EBF1: variants seen among roughly 807,000 people sequenced by gnomAD.
EBF1 encodes EBF transcription factor 1, also known as transcription factor COE1.
In EBF1, 10 loss-of-function variants were observed where a neutral mutation model predicts 68.4. That is an observed-to-expected ratio of 0.15 (90% CI 0.09 to 0.25). The LOEUF (loss-of-function observed/expected upper bound fraction) is 0.25. EBF1 is among the 10% of genes least tolerant of loss of function. The probability of loss-of-function intolerance (pLI) is 1.00; values close to 1 mark genes in which losing one functional copy is unlikely to be tolerated. For synonymous variants in EBF1, 298 were observed against 299.8 expected (o/e 0.99, Z 0.06); for missense variants, 509 against 794.4 (o/e 0.64, Z 4.32).
chr5:158,909,972 A>G (rs1805582591), intron 6 of EBF1, among the ~76,000 whole-genome samples: 1 of 150,732 alleles, frequency 6.6e-6, no homozygotes, highest in African/African-American at 2.4e-5. Flanking sequence ...AAAAAAAAAA[A>G]AAAAAAAAAA....
intron 6 of EBF1, among the ~76,000 whole-genome samples, chr5:159,006,531 A>G (rs938085218): frequency 1.1e-4 from 16 of 151,978 alleles, no homozygotes; most frequent in Non-Finnish European, 4.4e-5. Context: ...GTCAAGAACC[A>G]TAATCACCAA....
intron 6 of EBF1, among the ~76,000 whole-genome samples, chr5:158,878,832 T>A (rs904988734): frequency 2.6e-5 from 4 of 152,030 alleles, no homozygotes; most frequent in Non-Finnish European, 5.9e-5. Context: ...TTAGTAGAGA[T>A]GGAGTTTCAC....
At chr5:158,778,637 G>A (rs1048022959) in intron 9 of EBF1, among the ~76,000 whole-genome samples, 2 of 152,178 alleles carry the variant, frequency 1.3e-5, no homozygotes, top group African/African-American at 4.8e-5. Context: ...TGAGAGGCTG[G>A]ATGCGGCCAA....
intron 1 of EBF1, among the ~76,000 whole-genome samples, chr5:159,098,836 C>A (rs1584613288): frequency 6.4e-5 from 7 of 110,136 alleles, no homozygotes; most frequent in East Asian, 5.2e-4. Context: ...AAAAGAAAGG[C>A]AGGAAGAGGA....
At chr5:158,917,489 G>A (rs563101200) in intron 6 of EBF1, among the ~76,000 whole-genome samples, 2 of 152,250 alleles carry the variant, frequency 1.3e-5, no homozygotes, top group East Asian at 1.9e-4. Context: ...GAGACCATCC[G>A]GCTTGATGTT....
intron 6 of EBF1, among the ~76,000 whole-genome samples, chr5:158,942,243 A>G (rs1400623637): frequency 1.3e-5 from 2 of 152,210 alleles, no homozygotes; most frequent in African/African-American, 4.8e-5. Context: ...GTCCCTGTAT[A>G]TATGAAACCC....
intron 6 of EBF1, among the ~76,000 whole-genome samples, chr5:159,057,220 C>A (rs1020697394): frequency 6.6e-6 from 1 of 151,376 alleles, no homozygotes; most frequent in African/African-American, 2.4e-5. Flanking sequence ...GATTCTCCTG[C>A]CTCAGCCTCC....
intron 6 of EBF1, among the ~76,000 whole-genome samples, chr5:159,062,070 C>T (rs1490500857): frequency 1.3e-5 from 2 of 152,172 alleles, no homozygotes; most frequent in Admixed American, 6.5e-5. Context: ...TGTCTGTCTG[C>T]GCTATCTGCC....
chr5:158,765,445 A>AT (rs1303237425), intron 10 of EBF1, among the ~76,000 whole-genome samples: 1 of 152,146 alleles, frequency 6.6e-6, no homozygotes, highest in Non-Finnish European at 1.5e-5. Flanking sequence ...ATGTGAATAT[A>AT]TTTTTGGCAT....
At chr5:158,805,285 A>C (rs1468727078) in intron 8 of EBF1, among the ~76,000 whole-genome samples, 1 of 152,142 alleles carries the variant, frequency 6.6e-6, no homozygotes, top group African/African-American at 2.4e-5. Context: ...AATATGAGCA[A>C]GTCTAGTGGA....
chr5:159,027,699 T>C (rs1196080463), intron 6 of EBF1, among the ~76,000 whole-genome samples: 2 of 152,200 alleles, frequency 1.3e-5, no homozygotes, highest in Non-Finnish European at 2.9e-5. Context: ...TTCTCAGCAC[T>C]GTGTAGCAGC....
At chr5:158,717,333 A>G (rs1760947309) in intron 11 of EBF1, among the ~76,000 whole-genome samples, 1 of 152,188 alleles carries the variant, frequency 6.6e-6, no homozygotes, top group Non-Finnish European at 1.5e-5. Flanking sequence ...GAAATTTCCC[A>G]TAAGGGGAAG....
chr5:159,051,457 G>T (rs1167627366), intron 6 of EBF1, among the ~76,000 whole-genome samples: 1 of 97,144 alleles, frequency 1.0e-5, no homozygotes, highest in African/African-American at 3.8e-5. Context: ...CCCGCCGCCC[G>T]GCGGCTGACG....
intron 6 of EBF1, among the ~76,000 whole-genome samples, chr5:159,010,576 T>G (rs542285369): frequency 6.6e-6 from 1 of 152,366 alleles, no homozygotes; most frequent in East Asian, 1.9e-4. Flanking sequence ...CCATTTATAC[T>G]GATCTTTGAA....
At chr5:158,914,382 G>T (rs1354592712) in intron 6 of EBF1, among the ~76,000 whole-genome samples, 1 of 152,094 alleles carries the variant, frequency 6.6e-6, no homozygotes, top group East Asian at 1.9e-4. Flanking sequence ...GTCTCAGACA[G>T]GTTCATTTTT....
chr5:158,700,230 G>T (rs1232532904), intron 15 of EBF1, among the ~76,000 whole-genome samples: 1 of 152,224 alleles, frequency 6.6e-6, no homozygotes. Context: ...CATCCCATGT[G>T]GCACACTTTG....
chr5:159,033,824 G>A (rs1286779805), intron 6 of EBF1, among the ~76,000 whole-genome samples: 4 of 152,064 alleles, frequency 2.6e-5, no homozygotes, highest in East Asian at 1.9e-4. Context: ...ATCTGTCCAG[G>A]ATTGATTCCT....
intron 6 of EBF1, among the ~76,000 whole-genome samples, chr5:158,999,922 T>C (rs76851288): frequency 0.018 from 2,783 of 152,326 alleles, 90 homozygotes; most frequent in African/African-American, 0.064. Context: ...ATCACTGGCA[T>C]TTTTGAGAGA....
At chr5:158,955,064 C>T (rs990977430) in intron 6 of EBF1, among the ~76,000 whole-genome samples, 2 of 152,128 alleles carry the variant, frequency 1.3e-5, no homozygotes, top group Non-Finnish European at 2.9e-5. Context: ...GTGGCTCACG[C>T]CTGTAATCCC....
Sources: gnomAD v4.1 joint callset for allele counts (sites outside exome capture counted in the v4.1 genomes callset) on GRCh38, gnomAD v4.1.1 for gene constraint, MANE v1.5 for transcripts, NCBI Gene and HGNC (gene_info 2026-07-23, HGNC 2026-07-21) for gene names.